The following DCAF17 variants were observed in gnomAD, a reference collection of about 807,000 sequenced individuals.
The protein encoded by DCAF17 is DDB1- and CUL4-associated factor 17.
DCAF17 carries 48 observed loss-of-function variants against 66.0 expected under a neutral mutation model. That is an observed-to-expected ratio of 0.73 (90% CI 0.58 to 0.92). The LOEUF (loss-of-function observed/expected upper bound fraction) is 0.92, where lower values mean the gene tolerates loss of function less well. DCAF17 is among the 40% of genes least tolerant of loss of function. The pLI is 0.00. For synonymous variants in DCAF17, 206 were observed against 214.6 expected (o/e 0.96, Z 0.35); for missense variants, 562 against 622.8 (o/e 0.90, Z 1.04).
rs962994465 is a variant in DCAF17 at position 171,481,098 on chromosome 2, T to C, written c.1547T>C (p.Ile516Thr). 1.2e-6 allele frequency: 2 copies of C among 1,613,492 alleles called. No homozygotes were observed. Among genetic ancestry groups the C allele is most frequent in the Non-Finnish European group, 1.7e-6 (2 of 1,179,616 alleles). The part of the protein sequence containing the change: ...ICDTGEEEET[I>T]NRSC ...GACACTGGGGAAGAAGAAGAAACCA[T>C]AAACAGAAGCTGTTAAAAAGAGTGA... Residue 516 changes from isoleucine to threonine, a missense_variant, in exon 14 of 14, where the codon ATA becomes ACA. By Grantham distance (89) the Ile-to-Thr change is moderately conservative. Transcript: ENST00000375255.
rs193214847 is a variant in DCAF17 at position 171,473,967 on chromosome 2, T to C, written c.1083T>C (p.Asn361=). ...GTAGAATAATACATGTTGGTCCAAA[T>C]CAAGTCAAGTGAGTAATCTCATTAG... ...ASGRIIHVGP[N]QVKVLKLTEI... The change falls in exon 10 of 14, where the codon AAT becomes AAC. Residue 361 remains asparagine, a synonymous_variant. Transcript: ENST00000375255. 229 of 1,612,672 alleles carry C rather than the reference T, an allele frequency of 1.4e-4. No homozygotes were observed. Among genetic ancestry groups the C allele is most frequent in the Non-Finnish European group, 1.9e-4 (220 of 1,178,886 alleles).
At chr2:171,474,670 G>A (rs898884093) in intron 10 of DCAF17, among the ~76,000 whole-genome samples, 32 of 152,138 alleles carry the variant, frequency 2.1e-4, no homozygotes, top group South Asian at 6.2e-4. Context: ...ACTCATTCCA[G>A]AAATCTTGAA....
intron 12 of DCAF17, among the ~76,000 whole-genome samples, chr2:171,479,308 G>A (rs1458608498): frequency 6.6e-6 from 1 of 152,132 alleles, no homozygotes; most frequent in Admixed American, 6.5e-5. Context: ...CAGCCAAGAT[G>A]TACCTTCCTG....
intron 3 of DCAF17, among the ~76,000 whole-genome samples, chr2:171,443,940 T>C (rs1168461862): frequency 6.6e-6 from 1 of 152,178 alleles, no homozygotes; most frequent in Non-Finnish European, 1.5e-5. Flanking sequence ...TTCCACTCAA[T>C]ATACTGAAAC....
At chr2:171,445,662 A>G (rs1160014915) in intron 3 of DCAF17, among the ~76,000 whole-genome samples, 1 of 152,118 alleles carries the variant, frequency 6.6e-6, no homozygotes, top group African/African-American at 2.4e-5. Context: ...TATAAATAGT[A>G]TATTTTTTAA....
chr2:171,435,605 A>G (rs1388977427), intron 2 of DCAF17, among the ~76,000 whole-genome samples: 1 of 151,764 alleles, frequency 6.6e-6, no homozygotes, highest in Admixed American at 6.6e-5. Context: ...TTAGAGATCC[A>G]AAATGTTTAA....
At chr2:171,478,558 G>C (rs1574406275) in intron 12 of DCAF17, among the ~76,000 whole-genome samples, 2 of 152,194 alleles carry the variant, frequency 1.3e-5, no homozygotes, top group African/African-American at 4.8e-5. Context: ...AGTCACTGAA[G>C]TAATACATTT....
chr2:171,435,031 A>G, intron 1 of DCAF17, 52 bp from the exon 2 acceptor site: 4 of 1,389,888 alleles, frequency 2.9e-6, no homozygotes, highest in East Asian at 2.3e-5. Flanking sequence ...TTTAAAATCT[A>G]ACTTAAAGCC....
Position 171,473,891 on chromosome 2 carries a change from A to G in DCAF17, c.1007A>G (p.Asp336Gly). ...GCAAAAAATGGGATCCAAGAAATGG[A>G]TTGTTGTTCTCTAGAATCTGACTGG... ...SLAKNGIQEM[D>G]CCSLESDWIY... is the part of the protein sequence containing the mutation. Residue 336 changes from aspartate to glycine, a missense_variant, in exon 10 of 14, where the codon GAT becomes GGT. This residue lies in a region of DCAF17 where 201 missense variants were observed against 231.1 expected (regional missense o/e 0.87). Transcript: ENST00000375255. 6.2e-7 allele frequency: 1 copy of G among 1,613,758 alleles called. No homozygotes were observed. Among genetic ancestry groups the G allele is most frequent in the Non-Finnish European group, 8.5e-7 (1 of 1,179,830 alleles).
At chr2:171,458,348 A>G in intron 7 of DCAF17, 24 bp from the exon 8 acceptor site, 1 of 1,593,160 alleles carries the variant, frequency 6.3e-7, no homozygotes, top group South Asian at 1.1e-5. Context: ...TAAAGCCACC[A>G]TTTTTGTTTT....
chr2:171,458,475 C>T lies in DCAF17; in HGVS notation c.836C>T (p.Thr279Ile). 2 of 1,607,056 alleles carry T rather than the reference C, an allele frequency of 1.2e-6. No homozygotes were observed. Among genetic ancestry groups the T allele is most frequent in the South Asian group, 1.1e-5 (1 of 90,910 alleles). ...GGCATTCCTTGTAATATTAAAATCA[C>T]AGGTATGGCTACTCTATAGTATTTT... Reference protein sequence around the residue: ...PFGIPCNIKITDMPPLLFEVS... With the variant: ...PFGIPCNIKIIDMPPLLFEVS... Residue 279 changes from threonine (T) to isoleucine (I), a missense_variant and splice_region_variant, in exon 8 of 14, where the codon ACA (threonine) becomes ATA (isoleucine). Coordinates refer to ENST00000375255, the MANE Select transcript of DCAF17 (RefSeq NM_025000.4).
chr2:171,472,401 A>C (rs1414932561), intron 9 of DCAF17, among the ~76,000 whole-genome samples: 1 of 151,644 alleles, frequency 6.6e-6, no homozygotes, highest in Non-Finnish European at 1.5e-5. Context: ...CTAGTCTCAA[A>C]CTCCTGACCT....
At chr2:171,458,517 T>C (rs753197965) in intron 8 of DCAF17, 40 bp downstream of exon 8, 90 of 1,422,390 alleles carry the variant, frequency 6.3e-5, no homozygotes, top group Non-Finnish European at 8.7e-5. Flanking sequence ...TTAAAAAAAT[T>C]AAGTGGTCAT....
rs2105305379 is a variant in DCAF17, at chr2:171,483,132, G to A, written c.*2018G>A. ...AGATAGCAAAGAATGTGGGGAATTT[G>A]GATACCACACATAGCGAGAGACAAT... On this transcript the variant is annotated 3_prime_UTR_variant, in exon 14 of 14. Transcript: ENST00000375255. 1 of 454,110 alleles carries A rather than the reference G, an allele frequency of 2.2e-6. No homozygotes were observed. The highest frequency in any genetic ancestry group is 2.0e-5 in the African/African-American group (1 of 50,128). 28.1% of individuals were successfully genotyped at this position (454,110 alleles called of 1,614,324 possible). A position where few individuals can be genotyped will look rare whatever the true frequency, so the allele number is the denominator to read the frequency against.
At chr2:171,459,138 C>A (rs1695432399) in intron 8 of DCAF17, among the ~76,000 whole-genome samples, 1 of 151,868 alleles carries the variant, frequency 6.6e-6, no homozygotes, top group South Asian at 2.1e-4. Flanking sequence ...GGAGAAACCC[C>A]ATCTCTACTA....
intron 10 of DCAF17, chr2:171,474,274 A>C: frequency 2.6e-6 from 1 of 382,804 alleles, no homozygotes; most frequent in Admixed American, 3.9e-5. Context: ...AATAAGAAAG[A>C]AGAGTATTTG....
chr2:171,477,246 A>G (rs1049757968), intron 11 of DCAF17, among the ~76,000 whole-genome samples: 4 of 152,220 alleles, frequency 2.6e-5, no homozygotes. Flanking sequence ...GCAAACTTAA[A>G]TTTAATTGGG....
rs1695386944 is a variant in DCAF17, at chr2:171,458,449, T to C, written c.810T>C (p.Phe270=). Reference sequence around the variant, plus strand: ...CTGGAACTGTAGGAGAGGCTCCTTTTGGCATTCCTTGTAATATTAAAATCA... The same window carrying C: ...CTGGAACTGTAGGAGAGGCTCCTTTCGGCATTCCTTGTAATATTAAAATCA... ...GTTGTVGEAP[F]GIPCNIKITD... Residue 270 remains phenylalanine, a synonymous_variant, in exon 8 of 14, where the codon TTT becomes TTC. Transcript: ENST00000375255. 6.2e-7 allele frequency: 1 copy of C among 1,613,832 alleles called. No homozygotes were observed. The highest frequency in any genetic ancestry group is 8.5e-7 in the Non-Finnish European group (1 of 1,179,862).
rs753909220 is a variant in DCAF17 at position 171,478,111 on chromosome 2, C to T, written c.1266+41C>T. 5.3e-6 allele frequency: 8 copies of T among 1,520,420 alleles called. No individual in the cohort carries two copies. The East Asian group carries it at 6.8e-5, about 13-fold the overall frequency. The allele number at this position is 1,520,420 out of a possible 1,614,324, so 94.2% of individuals were successfully genotyped here. A position where few individuals can be genotyped will look rare whatever the true frequency, so the allele number is the denominator to read the frequency against. ...GAGATGACAAACCAAACCAGTGTGT[C>T]CTTGCATTGTGAATTTCATATTAAT... On this transcript the variant is annotated intron_variant, in intron 12 of 13. Coordinates refer to ENST00000375255, the MANE Select transcript of DCAF17 (RefSeq NM_025000.4).
Sources: gnomAD v4.1 joint callset for allele counts (sites outside exome capture counted in the v4.1 genomes callset) on GRCh38, gnomAD v4.1.1 for gene constraint, gnomAD v4.1.1 regional missense constraint, MANE v1.5 for transcripts, NCBI Gene and HGNC (gene_info 2026-07-23, HGNC 2026-07-21) for gene names.